Variants in OPCML observed in about 807,000 individuals in gnomAD.
The protein encoded by OPCML is opioid binding protein/cell adhesion molecule like.
In OPCML, 13 loss-of-function variants were observed where a neutral mutation model predicts 37.8. The observed-to-expected ratio is 0.34, with a 90% CI of 0.22 to 0.55. OPCML has a LOEUF of 0.55. Among genes scored for constraint, OPCML ranks in the 20% least tolerant of loss-of-function variants. The probability of loss-of-function intolerance (pLI) is 0.91; values close to 1 mark genes in which losing one functional copy is unlikely to be tolerated. For missense variants in OPCML, 341 were observed against 435.6 expected (o/e 0.78, Z 1.93); for synonymous variants, 176 against 168.8 (o/e 1.04, Z -0.33).
At chr11:132,580,147 C>G (rs970818736) in intron 3 of OPCML, among the ~76,000 whole-genome samples, 1 of 152,182 alleles carries the variant, frequency 6.6e-6, no homozygotes, top group African/African-American at 2.4e-5. Flanking sequence ...GTCTTTCTAA[C>G]GCTGTGTTTT....
chr11:132,814,260 G>A (rs1339554083), intron 2 of OPCML, among the ~76,000 whole-genome samples: 1 of 152,176 alleles, frequency 6.6e-6, no homozygotes, highest in African/African-American at 2.4e-5. Context: ...AGAACTAATA[G>A]GAGATTATAG....
At chr11:133,443,425 C>T (rs1946404682) in intron 1 of OPCML, among the ~76,000 whole-genome samples, 1 of 152,206 alleles carries the variant, frequency 6.6e-6, no homozygotes, top group Non-Finnish European at 1.5e-5. Flanking sequence ...CAAGGCTGAT[C>T]CTGAAGTGAT....
chr11:132,467,952 G>A (rs796271955), intron 4 of OPCML, among the ~76,000 whole-genome samples: 33 of 152,292 alleles, frequency 2.2e-4, no homozygotes, highest in African/African-American at 7.2e-4. Flanking sequence ...GAATAGATGC[G>A]TTCAAGGAGG....
chr11:132,604,837 G>C (rs1158323784), intron 3 of OPCML, among the ~76,000 whole-genome samples: 1 of 152,166 alleles, frequency 6.6e-6, no homozygotes, highest in African/African-American at 2.4e-5. Flanking sequence ...TTGATGTAGA[G>C]GGTATAGTGA....
intron 2 of OPCML, among the ~76,000 whole-genome samples, chr11:132,814,815 A>G (rs536780181): frequency 5.3e-5 from 8 of 152,280 alleles, no homozygotes; most frequent in East Asian, 3.9e-4. Flanking sequence ...TCAGACTCCA[A>G]TGAAATAGAA....
chr11:132,505,402 C>A (rs2096254557), intron 4 of OPCML, among the ~76,000 whole-genome samples: 1 of 152,054 alleles, frequency 6.6e-6, no homozygotes, highest in African/African-American at 2.4e-5. Context: ...CTATGTGCAC[C>A]ATATCACAAT....
chr11:133,449,352 A>G (rs1946533185), intron 1 of OPCML, among the ~76,000 whole-genome samples: 1 of 152,258 alleles, frequency 6.6e-6, no homozygotes, highest in Non-Finnish European at 1.5e-5. Context: ...GGCAATGTGT[A>G]AATGAATGGG....
At chr11:133,042,757 C>G (rs1405793028) in intron 1 of OPCML, among the ~76,000 whole-genome samples, 4 of 152,082 alleles carry the variant, frequency 2.6e-5, no homozygotes, top group African/African-American at 9.7e-5. Flanking sequence ...CCTTTAACGG[C>G]CAAAGTTAAC....
At chr11:132,726,470 A>T (rs1211710942) in intron 2 of OPCML, among the ~76,000 whole-genome samples, 1 of 151,844 alleles carries the variant, frequency 6.6e-6, no homozygotes, top group African/African-American at 2.4e-5. Flanking sequence ...GAAATTCAAG[A>T]TGAGATTTAG....
intron 1 of OPCML, among the ~76,000 whole-genome samples, chr11:133,188,484 G>A (rs1408294903): frequency 6.6e-6 from 1 of 151,984 alleles, no homozygotes; most frequent in African/African-American, 2.4e-5. Context: ...AAAAATAAAA[G>A]GGAAAATAAT....
chr11:133,137,234 T>C (rs1378644135), intron 1 of OPCML, among the ~76,000 whole-genome samples: 1 of 152,214 alleles, frequency 6.6e-6, no homozygotes, highest in African/African-American at 2.4e-5. Flanking sequence ...TGAACAACTA[T>C]TCTGCCTTAC....
chr11:132,634,757 TTCATGACCATAA>T (rs1195281799), intron 3 of OPCML, among the ~76,000 whole-genome samples: 2 of 152,252 alleles, frequency 1.3e-5, no homozygotes, highest in Non-Finnish European at 2.9e-5. Context: ...TTGTAAGGCA[TTCATGACCATAA>T]GTTATCACTT....
intron 1 of OPCML, among the ~76,000 whole-genome samples, chr11:133,131,910 A>G (rs1949610211): frequency 6.6e-6 from 1 of 152,216 alleles, no homozygotes; most frequent in Admixed American, 6.5e-5. Context: ...GCATATCCAT[A>G]TGCAAAATAA....
intron 4 of OPCML, among the ~76,000 whole-genome samples, chr11:132,451,451 T>C (rs539977973): frequency 2.4e-4 from 36 of 152,276 alleles, no homozygotes; most frequent in Admixed American, 6.5e-4. Flanking sequence ...CAGAACACTC[T>C]AGAAGGCCTG....
At position 133,499,660 on chromosome 11, in the gene OPCML, C is replaced by A. The variant is rs181800820; in HGVS notation, c.61+32604G>T. On this transcript the variant is annotated intron_variant, in intron 1 of 7. Transcript: ENST00000524381. ...ACAGCCTGGAAGAAGGGTCACCCAC[C>A]TGCTGCCTGGGAGTAGAAGAGGTTT... 5.9e-4 allele frequency among the ~76,000 whole-genome samples: 90 copies of A among 151,870 alleles called. 2 individuals carry two copies. Among genetic ancestry groups the A allele is most frequent in the African/African-American group, 2.1e-3 (85 of 41,426 alleles).
chr11:133,472,703 C>T (rs552373494), intron 1 of OPCML, among the ~76,000 whole-genome samples: 2 of 152,144 alleles, frequency 1.3e-5, no homozygotes, highest in South Asian at 4.1e-4. Flanking sequence ...TGTCTTCCTA[C>T]TGCAAGGAAT....
intron 2 of OPCML, among the ~76,000 whole-genome samples, chr11:132,803,166 GCTCCCTCT>G (rs1214999081): frequency 6.6e-5 from 10 of 152,084 alleles, no homozygotes; most frequent in Middle Eastern, 3.2e-3. Context: ...GCCATTAGCA[GCTCCCTCT>G]CTTCATCTGT....
At chr11:133,513,242 T>G (rs141470040) in intron 1 of OPCML, among the ~76,000 whole-genome samples, 224 of 152,286 alleles carry the variant, frequency 1.5e-3, no homozygotes, top group South Asian at 4.8e-3. Flanking sequence ...GTGGGGTTAT[T>G]AAAAGTTCAG....
At chr11:133,022,613 T>G (rs1947474929) in intron 1 of OPCML, among the ~76,000 whole-genome samples, 1 of 152,072 alleles carries the variant, frequency 6.6e-6, no homozygotes, top group Non-Finnish European at 1.5e-5. Flanking sequence ...ATCTGTAATG[T>G]GCCACCCAAC....
Sources: allele counts gnomAD v4.1 joint callset (sites outside exome capture counted in the v4.1 genomes callset), GRCh38; gene constraint gnomAD v4.1.1; transcripts MANE v1.5; gene names NCBI Gene and HGNC (gene_info 2026-07-23, HGNC 2026-07-21).